The following GNB4 variants were observed in gnomAD, a reference collection of about 807,000 sequenced individuals.
GNB4 encodes G protein subunit beta 4.
Under a neutral mutation model 45.2 loss-of-function variants are expected in GNB4, and 28 were observed. That is an observed-to-expected ratio of 0.62 (90% CI 0.46 to 0.85). GNB4 has a LOEUF of 0.85. GNB4 is among the 40% of genes least tolerant of loss of function. The probability of loss-of-function intolerance (pLI) is 0.00; values close to 1 mark genes in which losing one functional copy is unlikely to be tolerated. For missense variants in GNB4, 321 were observed against 425.4 expected (o/e 0.75, Z 2.16); for synonymous variants, 132 against 143.7 (o/e 0.92, Z 0.58).
At position 179,401,054 on chromosome 3, in the gene GNB4, C is replaced by G; in HGVS notation, c.*159G>C. 1.9e-6 allele frequency: 1 copy of G among 524,380 alleles called. No homozygotes were observed. Among genetic ancestry groups the G allele is most frequent in the Non-Finnish European group, 3.4e-6 (1 of 296,734 alleles). 32.5% of individuals were successfully genotyped at this position (524,380 alleles called of 1,614,324 possible). ...GCGCCTTTGCCTTTTTTCCTCCACC[C>G]CCACTTTTTTTTTGGTAGTTTACTG... On this transcript the variant is annotated 3_prime_UTR_variant, in exon 10 of 10. Coordinates refer to ENST00000232564, the MANE Select transcript of GNB4 (RefSeq NM_021629.4).
chr3:179,494,648 G>A, the GNB4 span, among the ~76,000 whole-genome samples: 3 of 151,992 alleles, frequency 2.0e-5, no homozygotes, highest in Non-Finnish European at 4.4e-5. Flanking sequence ...AGTGGCTCAC[G>A]CCTGTAATCC....
At chr3:179,513,218 T>C in the GNB4 span, among the ~76,000 whole-genome samples, 1 of 128,378 alleles carries the variant, frequency 7.8e-6, no homozygotes, top group African/African-American at 2.8e-5. Flanking sequence ...TTGAGACAGG[T>C]TCTTGTTCTG....
the GNB4 span, among the ~76,000 whole-genome samples, chr3:179,468,035 A>AATAT: frequency 2.2e-5 from 2 of 89,866 alleles, no homozygotes; most frequent in East Asian, 6.7e-4. Context: ...TGTTGATAAA[A>AATAT]ATATATATAT....
At chr3:179,458,373 A>C in the GNB4 span, among the ~76,000 whole-genome samples, 10 of 152,212 alleles carry the variant, frequency 6.6e-5, no homozygotes, top group African/African-American at 2.4e-4. Flanking sequence ...CGCAGTTTTT[A>C]AGTGTTCTTT....
chr3:179,460,156 T>C, the GNB4 span, among the ~76,000 whole-genome samples: 1 of 152,220 alleles, frequency 6.6e-6, no homozygotes, highest in Non-Finnish European at 1.5e-5. Context: ...GCCTTATTGC[T>C]TGTTACAGAT....
chr3:179,473,886 C>T, the GNB4 span, among the ~76,000 whole-genome samples: 2 of 152,096 alleles, frequency 1.3e-5, no homozygotes, highest in South Asian at 4.1e-4. Context: ...CCAGCACTGG[C>T]AATTACTGTC....
At chr3:179,475,253 G>C in the GNB4 span, among the ~76,000 whole-genome samples, 1 of 151,910 alleles carries the variant, frequency 6.6e-6, no homozygotes, top group Admixed American at 6.6e-5. Context: ...AAGTAGCTGG[G>C]ACTACATGCA....
At chr3:179,436,562 T>C (rs1174157897) in intron 1 of GNB4, among the ~76,000 whole-genome samples, 6 of 151,458 alleles carry the variant, frequency 4.0e-5, no homozygotes, top group African/African-American at 1.5e-4. Context: ...TTAACAACCA[T>C]AATGAATCAG....
intron 1 of GNB4, among the ~76,000 whole-genome samples, chr3:179,445,769 T>G (rs1447430169): frequency 2.0e-5 from 3 of 152,198 alleles, no homozygotes; most frequent in African/African-American, 7.2e-5. Context: ...AATGATATCT[T>G]CTGAGCGAAT....
rs1553851779 is a variant in GNB4 at position 179,419,503 on chromosome 3, A to G, written c.99T>C (p.Ile33=). 1 of 1,570,662 alleles carries G rather than the reference A, an allele frequency of 6.4e-7. No homozygotes were observed. The highest frequency in any genetic ancestry group is 8.8e-7 in the Non-Finnish European group (1 of 1,140,634). Residue 33 remains isoleucine (I), a splice_region_variant and synonymous_variant, in exon 4 of 10, where the codon ATT becomes ATC. Coordinates refer to ENST00000232564, the MANE Select transcript of GNB4 (RefSeq NM_021629.4). ...KACNDATLVQ[I]TSNMDSVGRI... Reference sequence around the variant, plus strand: ...GACCCACAGAGTCCATATTTGATGTAATCTTTTGAAAGCAACAAAAATGTT... The same window carrying G: ...GACCCACAGAGTCCATATTTGATGTGATCTTTTGAAAGCAACAAAAATGTT...
the GNB4 span, among the ~76,000 whole-genome samples, chr3:179,516,208 A>G: frequency 6.6e-6 from 1 of 152,174 alleles, no homozygotes; most frequent in African/African-American, 2.4e-5. Context: ...GATTGAGGAC[A>G]GTAAGGGGTA....
chr3:179,430,999 A>G (rs1715294991), intron 1 of GNB4, among the ~76,000 whole-genome samples: 3 of 152,162 alleles, frequency 2.0e-5, no homozygotes, highest in Admixed American at 2.0e-4. Flanking sequence ...AAGACATTTC[A>G]GCCCTAAATA....
intron 1 of GNB4, among the ~76,000 whole-genome samples, chr3:179,446,559 C>T (rs1715731557): frequency 6.6e-6 from 1 of 152,072 alleles, no homozygotes; most frequent in South Asian, 2.1e-4. Context: ...ATTCAGGAGG[C>T]TTAACTAAAG....
chr3:179,404,263 CAT>C (rs1419400108), intron 9 of GNB4, among the ~76,000 whole-genome samples: 1 of 152,188 alleles, frequency 6.6e-6, no homozygotes, highest in African/African-American at 2.4e-5. Context: ...CAAAATCTAT[CAT>C]ATGGGAAAAA....
chr3:179,494,236 A>G, the GNB4 span, among the ~76,000 whole-genome samples: 2 of 152,014 alleles, frequency 1.3e-5, no homozygotes, highest in Non-Finnish European at 2.9e-5. Context: ...CTGCTGTCTT[A>G]GCTGAAGAAG....
intron 9 of GNB4, among the ~76,000 whole-genome samples, chr3:179,402,905 G>A (rs1456234095): frequency 6.6e-6 from 1 of 152,182 alleles, no homozygotes; most frequent in Non-Finnish European, 1.5e-5. Context: ...TAAGGCCAGA[G>A]ACTCACTCAG....
chr3:179,505,183 A>C, the GNB4 span, among the ~76,000 whole-genome samples: 5 of 152,344 alleles, frequency 3.3e-5, no homozygotes, highest in East Asian at 9.6e-4. Context: ...ATCAGTAAAC[A>C]GAGCAACTGG....
At chr3:179,424,950 A>T (rs1404086365) in intron 2 of GNB4, among the ~76,000 whole-genome samples, 1 of 152,200 alleles carries the variant, frequency 6.6e-6, no homozygotes, top group Non-Finnish European at 1.5e-5. Flanking sequence ...AGAAACAGCT[A>T]TTGTGAGAGG....
At chr3:179,516,451 G>A in the GNB4 span, among the ~76,000 whole-genome samples, 1 of 152,178 alleles carries the variant, frequency 6.6e-6, no homozygotes, top group African/African-American at 2.4e-5. Flanking sequence ...CTGACTCAGG[G>A]AATGTGAATA....
Sources: allele counts gnomAD v4.1 joint callset (sites outside exome capture counted in the v4.1 genomes callset), GRCh38; gene constraint gnomAD v4.1.1; transcripts MANE v1.5; gene names NCBI Gene and HGNC (gene_info 2026-07-23, HGNC 2026-07-21).